CCDC172: variants seen among roughly 807,000 people sequenced by gnomAD.
The protein encoded by CCDC172 is coiled-coil domain containing 172, also known as coiled-coil domain-containing protein 172.
Under a neutral mutation model 38.0 loss-of-function variants are expected in CCDC172, and 30 were observed. The ratio of observed to expected loss-of-function variants is 0.79; its 90% CI spans 0.59 to 1.07. The LOEUF (loss-of-function observed/expected upper bound fraction) is 1.07, where lower values mean the gene tolerates loss of function less well. CCDC172 is among the 50% of genes least tolerant of loss of function. The pLI, the probability that CCDC172 is intolerant of heterozygous loss-of-function variation, is 0.00. For missense variants in CCDC172, 297 were observed against 290.1 expected (o/e 1.02, Z -0.17); for synonymous variants, 78 against 88.3 (o/e 0.88, Z 0.66).
rs998010282 is a variant in CCDC172 at position 116,324,462 on chromosome 10, T to C, written c.-217T>C. On this transcript the variant is annotated 5_prime_UTR_variant, in exon 1 of 9. Transcript: ENST00000333254. ...CGACCTGAAGCACTGGCTCCAGCCT[T>C]AGGGAAGGTTTTGGCCGTGGGTTTT... The C allele has an allele frequency of 6.5e-6, 1 of 153,472 alleles. No individual in the cohort carries two copies. The highest frequency in any genetic ancestry group is 2.4e-5 in the African/African-American group (1 of 41,470). 9.5% of individuals were successfully genotyped at this position (153,472 alleles called of 1,614,324 possible).
chr10:116,353,073 G>A (rs181745277), intron 5 of CCDC172, among the ~76,000 whole-genome samples: 5 of 151,972 alleles, frequency 3.3e-5, no homozygotes, highest in Admixed American at 3.3e-4. Flanking sequence ...GGCGCCTGTA[G>A]TCCCAGCTAC....
rs943478150 is a variant in CCDC172, at chr10:116,324,624, C to T, written c.-66+11C>T. 3.7e-4 allele frequency: 67 copies of T among 180,888 alleles called. No homozygotes were observed. The highest frequency in any genetic ancestry group is 2.4e-4 in the Non-Finnish European group (21 of 86,402). 11.2% of individuals were successfully genotyped at this position (180,888 alleles called of 1,614,324 possible). A position where few individuals can be genotyped will look rare whatever the true frequency, so the allele number is the denominator to read the frequency against. ...CCCTCAAAAGCCAAGGTCTTGGCAG[C>T]CTTTTTATTTGCCACCAAAGCGAAA... On this transcript the variant is annotated intron_variant, in intron 1 of 8. Transcript: ENST00000333254.
chr10:116,361,970 C>T (rs903520620), intron 7 of CCDC172, among the ~76,000 whole-genome samples: 3 of 152,072 alleles, frequency 2.0e-5, no homozygotes, highest in Non-Finnish European at 4.4e-5. Context: ...GGGCAGATCA[C>T]GAGGTCAGGA....
intron 3 of CCDC172, among the ~76,000 whole-genome samples, chr10:116,340,474 A>G (rs1844778220): frequency 6.6e-6 from 1 of 151,876 alleles, no homozygotes; most frequent in Non-Finnish European, 1.5e-5. Context: ...TATTGAGAGG[A>G]AAAAGAAAGC....
In CCDC172 at chr10:116,353,150, G is replaced by A. The variant is rs532989020; in HGVS notation, c.449-4230G>A. 4.0e-5 allele frequency among the ~76,000 whole-genome samples: 6 copies of A among 151,676 alleles called. No individual in the cohort carries two copies. In the South Asian group the frequency reaches 1.3e-3, roughly 32 times the overall value. ...GGAGCTTGCAGTGAGCCGAGATCGCGCCACTGCACTCCTTCCTGGGCGACA... is the reference window on the plus strand; with the variant it reads ...GGAGCTTGCAGTGAGCCGAGATCGCACCACTGCACTCCTTCCTGGGCGACA... On this transcript the variant is annotated intron_variant, in intron 5 of 8. Transcript: ENST00000333254.
chr10:116,368,579 T>C (rs1453028234), intron 7 of CCDC172, among the ~76,000 whole-genome samples: 1 of 152,040 alleles, frequency 6.6e-6, no homozygotes, highest in African/African-American at 2.4e-5. Flanking sequence ...GATTTCTGTG[T>C]GGGTTTTTAA....
chr10:116,368,385 T>C (rs1035585818), intron 7 of CCDC172, among the ~76,000 whole-genome samples: 1 of 152,076 alleles, frequency 6.6e-6, no homozygotes, highest in Non-Finnish European at 1.5e-5. Flanking sequence ...ATTGGTAAAG[T>C]TCTTTTAAAA....
intron 5 of CCDC172, 70 bp from the exon 6 acceptor site, chr10:116,357,310 G>C: frequency 1.1e-6 from 1 of 921,542 alleles, no homozygotes; most frequent in South Asian, 1.6e-5. Context: ...TTAGTGTACA[G>C]GTCTTTTACT....
chr10:116,365,870 G>A (rs1382701116), intron 7 of CCDC172, among the ~76,000 whole-genome samples: 1 of 152,152 alleles, frequency 6.6e-6, no homozygotes, highest in Non-Finnish European at 1.5e-5. Context: ...ATTCAGTACA[G>A]TAACATGTGG....
chr10:116,358,579 G>A (rs1002117557), intron 7 of CCDC172, among the ~76,000 whole-genome samples: 1 of 152,050 alleles, frequency 6.6e-6, no homozygotes, highest in Non-Finnish European at 1.5e-5. Context: ...CCTCATTACT[G>A]GATCTATGAA....
At chr10:116,343,216 A>G (rs1283449811) in intron 5 of CCDC172, among the ~76,000 whole-genome samples, 1 of 152,150 alleles carries the variant, frequency 6.6e-6, no homozygotes, top group Admixed American at 6.5e-5. Context: ...CCTTGGATGT[A>G]GTTGCTTATG....
At chr10:116,354,827 A>ATGT (rs1382488374) in intron 5 of CCDC172, among the ~76,000 whole-genome samples, 3 of 152,296 alleles carry the variant, frequency 2.0e-5, no homozygotes, top group African/African-American at 7.2e-5. Context: ...CCAGGACAAG[A>ATGT]TGTTATGGAG....
chr10:116,355,579 G>T (rs532377173), intron 5 of CCDC172, among the ~76,000 whole-genome samples: 1 of 152,084 alleles, frequency 6.6e-6, no homozygotes, highest in East Asian at 1.9e-4. Flanking sequence ...TGTCAATCAC[G>T]TGAGGAATCC....
chr10:116,357,958 T>A lies in CCDC172; in HGVS notation c.653+20T>A. On this transcript the variant is annotated intron_variant, in intron 7 of 8. Coordinates refer to ENST00000333254, the MANE Select transcript of CCDC172 (RefSeq NM_198515.3). The stretch of plus-strand genomic sequence containing the variant: ...CTTAAGGTAAGAGTTTCCTGTTATA[T>A]TTTGGCCTAAATCAGGTAATTTTTC... 1 of 1,410,242 alleles carries A rather than the reference T, an allele frequency of 7.1e-7. No homozygotes were observed. The highest frequency in any genetic ancestry group is 9.9e-7 in the Non-Finnish European group (1 of 1,008,034). 87.4% of individuals were successfully genotyped at this position (1,410,242 alleles called of 1,614,324 possible).
At chr10:116,326,531 T>A (rs1034436490) in intron 3 of CCDC172, among the ~76,000 whole-genome samples, 1 of 152,208 alleles carries the variant, frequency 6.6e-6, no homozygotes, top group Admixed American at 6.5e-5. Context: ...AGAACACTTC[T>A]CCATCTGGCG....
chr10:116,358,853 T>G (rs1016212557), intron 7 of CCDC172, among the ~76,000 whole-genome samples: 1 of 152,110 alleles, frequency 6.6e-6, no homozygotes, highest in Non-Finnish European at 1.5e-5. Flanking sequence ...TGATGCCCAC[T>G]GGTGTCATTA....
At chr10:116,333,945 G>A (rs530136673) in intron 3 of CCDC172, among the ~76,000 whole-genome samples, 2 of 152,246 alleles carry the variant, frequency 1.3e-5, no homozygotes, top group East Asian at 1.9e-4. Flanking sequence ...TCTCGTGTAG[G>A]CTTTGTTGCA....
chr10:116,374,289 A>T (rs530303468), intron 7 of CCDC172, among the ~76,000 whole-genome samples: 1 of 152,270 alleles, frequency 6.6e-6, no homozygotes, highest in South Asian at 2.1e-4. Context: ...TGAAAAGATG[A>T]AAGTTTCTGA....
chr10:116,340,431 A>C (rs908083922), intron 3 of CCDC172, among the ~76,000 whole-genome samples: 4 of 152,014 alleles, frequency 2.6e-5, no homozygotes, highest in Non-Finnish European at 5.9e-5. Context: ...TGTATTCAAA[A>C]AGCGTTAGTA....
Sources: gnomAD v4.1 joint callset for allele counts (sites outside exome capture counted in the v4.1 genomes callset) on GRCh38, gnomAD v4.1.1 for gene constraint, MANE v1.5 for transcripts, NCBI Gene and HGNC (gene_info 2026-07-23, HGNC 2026-07-21) for gene names.